The following MKI67 variants were observed in gnomAD, a reference collection of about 807,000 sequenced individuals.
MKI67 encodes proliferation marker protein Ki-67.
Under a neutral mutation model 233.5 loss-of-function variants are expected in MKI67, and 152 were observed. The observed-to-expected ratio is 0.65, with a 90% CI of 0.57 to 0.74. MKI67 has a LOEUF of 0.74. MKI67 is among the 30% of genes least tolerant of loss of function. MKI67 has a pLI of 0.00. For synonymous variants in MKI67, 1,465 were observed against 1,418.5 expected, an observed-to-expected ratio of 1.03 and a Z score of -0.74; for missense variants, 3,940 against 3,885.2, an observed-to-expected ratio of 1.01 and a Z score of -0.37.
At chr10:128,113,661 T>C in intron 7 of MKI67, 59 bp from the exon 8 acceptor site, 1 of 1,480,044 alleles carries the variant, frequency 6.8e-7, no homozygotes, top group Non-Finnish European at 9.4e-7. Context: ...AGACTAGTGA[T>C]TTATTTCACG....
Position 128,108,881 on chromosome 10 carries a change from G to A in MKI67, c.2959C>T (p.Gln987Ter), listed in dbSNP as rs1257242978. Residue 987 changes from glutamine (Q) to a stop codon, truncating the protein, a stop_gained, in exon 13 of 15, where the codon CAA (glutamine) becomes TAA (stop). Coordinates refer to ENST00000368654, the MANE Select transcript of MKI67 (RefSeq NM_002417.5). LOFTEE classifies it high-confidence loss of function. Reference sequence around the variant, plus strand: ...GGTGCCTTGGCATGATCTTGGGTTTGGAGGAGATTCTGGCCACGTGCCGTG... The same window carrying A: ...GGTGCCTTGGCATGATCTTGGGTTTAGAGGAGATTCTGGCCACGTGCCGTG... Reference protein sequence around the residue: ...KDTARGQNLLQTQDHAKAPKS... With the variant: ...KDTARGQNLL 1.2e-6 allele frequency: 2 copies of A among 1,614,082 alleles called. No individual in the cohort carries two copies. Among genetic ancestry groups the A allele is most frequent in the Non-Finnish European group, 1.7e-6 (2 of 1,180,050 alleles).
In MKI67 at chr10:128,103,957, T is replaced by C. The variant is rs1300154287; in HGVS notation, c.7883A>G (p.Gln2628Arg). The C allele has an allele frequency of 3.1e-6, 5 of 1,614,042 alleles. No homozygotes were observed. The highest frequency in any genetic ancestry group is 4.2e-6 in the Non-Finnish European group (5 of 1,180,036). Residue 2628 changes from glutamine to arginine, a missense_variant, in exon 13 of 15, where the codon CAA becomes CGA. By Grantham distance (43) the Gln-to-Arg change is conservative. Coordinates refer to ENST00000368654, the MANE Select transcript of MKI67 (RefSeq NM_002417.5). Reference sequence around the variant, plus strand: ...TGGTTCTTTGTGTGTGTGTGTGCTTTGCCCTGATGTTTGCGTGAGCCTCTC... The same window carrying C: ...TGGTTCTTTGTGTGTGTGTGTGCTTCGCCCTGATGTTTGCGTGAGCCTCTC... ...AVERLTQTSGQSTHTHKEPAS... is the reference protein window; with the variant it reads ...AVERLTQTSGRSTHTHKEPAS...
In MKI67 at chr10:128,112,239, A is replaced by G. The variant is rs369941238; in HGVS notation, c.1863T>C (p.Ser621=). The G allele has an allele frequency of 6.8e-6, 11 of 1,614,010 alleles. No homozygotes were observed. The African/African-American group carries it at 1.3e-4, about 20-fold the overall frequency. Reference sequence around the variant, plus strand: ...ACACTCTCTTTGAAGGCAGGTTGCCACTCTTTCTCCCTCCTCTCTTAGGAA... The same window carrying G: ...ACACTCTCTTTGAAGGCAGGTTGCCGCTCTTTCTCCCTCCTCTCTTAGGAA... ...TEVPKRGGRK[S]GNLPSKRVSI... Residue 621 remains serine, a synonymous_variant, in exon 9 of 15, where the codon AGT becomes AGC. Coordinates refer to ENST00000368654, the MANE Select transcript of MKI67 (RefSeq NM_002417.5).
At position 128,103,188 on chromosome 10, in the gene MKI67, T is replaced by G. The variant is rs1283777698; in HGVS notation, c.8652A>C (p.Ala2884=). 1 of 1,613,264 alleles carries G rather than the reference T, an allele frequency of 6.2e-7. No individual in the cohort carries two copies. ...GCTTCCGCTTTGCAGGTTGCTTAAA[T>G]GCTTTCGTGCCTTTGCCCTCACCTA... The part of the protein sequence containing the change: ...EPVGEGKGTK[A]FKQPAKRKLD... The change falls in exon 13 of 15, where the codon GCA becomes GCC. Residue 2884 remains alanine (A), a synonymous_variant. Transcript: ENST00000368654.
chr10:128,101,121 C>T (rs1306497748), intron 14 of MKI67, 137 bp downstream of exon 14: 6 of 771,842 alleles, frequency 7.8e-6, no homozygotes, highest in African/African-American at 3.5e-5. Flanking sequence ...TAGCATAATG[C>T]TCCTTCCATT....
In MKI67 at chr10:128,109,132, C is replaced by T. The variant is rs374261451; in HGVS notation, c.2708G>A (p.Cys903Tyr). 8.7e-6 allele frequency: 14 copies of T among 1,614,044 alleles called. No individual in the cohort carries two copies. The East Asian group carries it at 1.6e-4, about 18-fold the overall frequency. ...SEETNTEIVE[C>Y]ILKRGQKATL... ...TGCCTTCTGACCTCTTTTTAGGATG[C>T]ACTCAACAATTTCTGTATTTGTTTC... The change falls in exon 13 of 15, where the codon TGC (cysteine) becomes TAC (tyrosine). Residue 903 changes from cysteine to tyrosine, a missense_variant. By Grantham distance (194) the Cys-to-Tyr change is radical. Transcript: ENST00000368654.
Position 128,107,193 on chromosome 10 carries a change from T to A in MKI67, c.4647A>T (p.Lys1549Asn). The A allele has an allele frequency of 6.2e-7, 1 of 1,614,086 alleles. No individual in the cohort carries two copies. Among genetic ancestry groups the A allele is most frequent in the African/African-American group, 1.3e-5 (1 of 75,008 alleles). The change falls in exon 13 of 15, where the codon AAA (lysine) becomes AAT (asparagine). Residue 1549 changes from lysine to asparagine, a missense_variant. Transcript: ENST00000368654. ...HTPKPAVSGE[K>N]NIYAFMGTPV... ...GAGTTCCCATAAATGCGTAGATGTT[T>A]TTCTCACCACTTACTGCTGGTTTGG...
At chr10:128,099,366 G>A (rs1590290022) in intron 14 of MKI67, 111 bp from the exon 15 acceptor site, 1 of 582,760 alleles carries the variant, frequency 1.7e-6, no homozygotes, top group African/African-American at 1.9e-5. Flanking sequence ...CAGGTCCTTA[G>A]TTGCAGAAAA....
chr10:128,112,101 C>A (rs1480111765), intron 9 of MKI67, 32 bp downstream of exon 9: 1 of 1,609,112 alleles, frequency 6.2e-7, no homozygotes, highest in East Asian at 2.2e-5. Flanking sequence ...AAAAAATTCA[C>A]CTTAATATAT....
In MKI67 at chr10:128,106,958, T is replaced by C; in HGVS notation, c.4882A>G (p.Ser1628Gly). Residue 1628 changes from serine (S) to glycine (G), a missense_variant, in exon 13 of 15, where the codon AGC becomes GGC. Ser to Gly is a moderately conservative substitution (Grantham distance 56). Transcript: ENST00000368654. The part of the protein sequence containing the change: ...SQPDPDKNPA[S>G]SKRRLKTSLG... ...GATGTCTTGAGCCGTCGCTTGGAGC[T>C]TGCTGGGTTTTTGTCTGGGTCTGGT... 6.2e-7 allele frequency: 1 copy of C among 1,614,176 alleles called. No individual in the cohort carries two copies. Among genetic ancestry groups the C allele is most frequent in the Non-Finnish European group, 8.5e-7 (1 of 1,180,032 alleles).
rs779684067 is a variant in MKI67 at position 128,108,251 on chromosome 10, T to C, written c.3589A>G (p.Lys1197Glu). The C allele has an allele frequency of 6.2e-7, 1 of 1,613,842 alleles. No individual in the cohort carries two copies. The highest frequency in any genetic ancestry group is 1.1e-5 in the South Asian group (1 of 91,066). Residue 1197 changes from lysine to glutamate, a missense_variant, in exon 13 of 15, where the codon AAA (lysine) becomes GAA (glutamate). Coordinates refer to ENST00000368654, the MANE Select transcript of MKI67 (RefSeq NM_002417.5). ...IKAFMGTPVQ[K>E]LDLAGTLPGS... ...GGTAAAGTTCCTGCCAGGTCCAGTTTCTGCACTGGAGTTCCCATAAATGCT... is the reference window on the plus strand; with the variant it reads ...GGTAAAGTTCCTGCCAGGTCCAGTTCCTGCACTGGAGTTCCCATAAATGCT...
At chr10:128,102,242 G>T (rs1156244778) in intron 13 of MKI67, among the ~76,000 whole-genome samples, 1 of 152,112 alleles carries the variant, frequency 6.6e-6, no homozygotes, top group African/African-American at 2.4e-5. Context: ...ACCCAGTCCT[G>T]GTCTTGGTGA....
In MKI67 at chr10:128,103,156, G is replaced by C. The variant is rs765219492; in HGVS notation, c.8684C>G (p.Ala2895Gly). ...TCTCCTGCTGCCAATTACATCTTCT[G>C]CGTCCAGCTTCCGCTTTGCAGGTTG... ...FKQPAKRKLD[A>G]EDVIGSRRQP... Residue 2895 changes from alanine (A) to glycine (G), a missense_variant, in exon 13 of 15, where the codon GCA becomes GGA. Coordinates refer to ENST00000368654, the MANE Select transcript of MKI67 (RefSeq NM_002417.5). 6.2e-7 allele frequency: 1 copy of C among 1,613,994 alleles called. No individual in the cohort carries two copies. Among genetic ancestry groups the C allele is most frequent in the Non-Finnish European group, 8.5e-7 (1 of 1,179,998 alleles).
intron 4 of MKI67, 27 bp downstream of exon 4, chr10:128,122,854 C>T (rs1852977942): frequency 2.6e-6 from 3 of 1,160,168 alleles, no homozygotes; most frequent in Non-Finnish European, 3.8e-6. Context: ...ATGACATTTA[C>T]TGTTAGACCA....
In MKI67 at chr10:128,106,653, G is replaced by A. The variant is rs1894410; in HGVS notation, c.5187C>T (p.Asn1729=). 252,021 of 1,613,928 alleles carry A rather than the reference G, an allele frequency of 0.16. 20,191 individuals are homozygous for A. Among genetic ancestry groups the A allele is most frequent in the African/African-American group, 0.17 (12,422 of 74,936 alleles). Residue 1729 remains asparagine (N), a synonymous_variant, in exon 13 of 15, where the codon AAC becomes AAT. Coordinates refer to ENST00000368654, the MANE Select transcript of MKI67 (RefSeq NM_002417.5). The part of the protein sequence containing the change: ...TPSHTKESMT[N]EKTTKVSYRA... ...TGTAGGATACTTTGGTAGTTTTTTC[G>A]TTAGTCATTGATTCCTTAGTGTGAC...
rs1458789483 is a variant in MKI67, at chr10:128,105,357, C to T, written c.6483G>A (p.Arg2161=). 2.5e-6 allele frequency: 4 copies of T among 1,614,134 alleles called. No homozygotes were observed. The highest frequency in any genetic ancestry group is 3.3e-5 in the Admixed American group (2 of 60,020). The stretch of plus-strand genomic sequence containing the variant: ...GGTCCAGTTTCTGTTTTGCAGTTTC[C>T]CTGAACACGTTGATGCCTTTATCCT... ...GDEDKGINVF[R]ETAKQKLDPA... is the part of the protein sequence containing the mutation. The change falls in exon 13 of 15, where the codon AGG becomes AGA. Residue 2161 remains arginine, a synonymous_variant. Transcript: ENST00000368654.
In MKI67 at chr10:128,122,876, C is replaced by A. The variant is rs1334266837; in HGVS notation, c.287+5G>T. 1.3e-6 allele frequency: 2 copies of A among 1,482,220 alleles called. No individual in the cohort carries two copies. Among genetic ancestry groups the A allele is most frequent in the South Asian group, 2.4e-5 (2 of 81,726 alleles). The allele number at this position is 1,482,220 out of a possible 1,614,324, so 91.8% of individuals were successfully genotyped here. ...TTACTGTTAGACCAATCAGCTTTTA[C>A]CTACCTGAAGGAACGATCAATAATA... On this transcript the variant is annotated splice_donor_5th_base_variant and intron_variant, in intron 4 of 14. Transcript: ENST00000368654.
chr10:128,113,040 A>G (rs1852715716), intron 8 of MKI67, among the ~76,000 whole-genome samples: 1 of 152,230 alleles, frequency 6.6e-6, no homozygotes, highest in Non-Finnish European at 1.5e-5. Context: ...TGCCTTAACT[A>G]TAGCCTTGTA....
intron 7 of MKI67, among the ~76,000 whole-genome samples, 188 bp from the exon 8 acceptor site, chr10:128,113,790 G>A (rs901716957): frequency 6.6e-6 from 1 of 152,146 alleles, no homozygotes; most frequent in Non-Finnish European, 1.5e-5. Context: ...TTGCGGGAGT[G>A]GCCACTAAGA....
Sources: allele counts gnomAD v4.1 joint callset (sites outside exome capture counted in the v4.1 genomes callset), GRCh38; gene constraint gnomAD v4.1.1; transcripts MANE v1.5; gene names NCBI Gene and HGNC (gene_info 2026-07-23, HGNC 2026-07-21).